Variants in SYNE1 observed in about 807,000 individuals in gnomAD.
The protein encoded by SYNE1 is nesprin-1.
Under a neutral mutation model 1,111.0 loss-of-function variants are expected in SYNE1, and 616 were observed. The observed-to-expected ratio is 0.55, with a 90% confidence interval of 0.52 to 0.59. The LOEUF is 0.59. SYNE1 is among the 20% of genes least tolerant of loss of function. SYNE1 has a pLI of 0.00. For synonymous variants in SYNE1, 3,855 were observed against 3,825.8 expected (o/e 1.01, Z -0.28); for missense variants, 10,006 against 10,417.0 (o/e 0.96, Z 1.72).
At chr6:152,310,322 G>A in intron 89 of SYNE1, 74 bp downstream of exon 89, 1 of 1,581,202 alleles carries the variant, frequency 6.3e-7, no homozygotes, top group Non-Finnish European at 8.7e-7. Flanking sequence ...GAGTTTAGGA[G>A]GCATTTTTCC....
intron 3 of SYNE1, among the ~76,000 whole-genome samples, chr6:152,576,877 C>A (rs541876636): frequency 3.0e-4 from 45 of 152,282 alleles, no homozygotes; most frequent in African/African-American, 1.0e-3. Flanking sequence ...CACAATTTGA[C>A]TTCATGATTG....
rs949470923 is a variant in SYNE1 at position 152,265,079 on chromosome 6, A to G, written c.18816-2891T>C. 4.0e-5 allele frequency among the ~76,000 whole-genome samples: 6 copies of G among 151,434 alleles called. No individual in the cohort carries two copies. In the East Asian group the frequency reaches 1.2e-3, roughly 30 times the overall value. On this transcript the variant is annotated intron_variant, in intron 100 of 145. Coordinates refer to ENST00000367255, the MANE Select transcript of SYNE1 (RefSeq NM_182961.4). ...CAATTAGCCAAGCATAGTGGTGGGC[A>G]CCTGTAATCCCAGCTACTCGAGAGG... is the stretch of plus-strand genomic sequence containing the variant.
At chr6:152,433,540 A>G in intron 34 of SYNE1, 1 of 510,040 alleles carries the variant, frequency 2.0e-6, no homozygotes, top group South Asian at 2.5e-5. Context: ...GTAACCATAA[A>G]AATATTTTAA....
intron 9 of SYNE1, among the ~76,000 whole-genome samples, chr6:152,503,317 C>T (rs2099040238): frequency 6.6e-6 from 1 of 152,184 alleles, no homozygotes; most frequent in South Asian, 2.1e-4. Context: ...GGAGCATTCT[C>T]TCCAAATTAC....
intron 77 of SYNE1, 53 bp from the exon 78 acceptor site, chr6:152,331,943 G>A: frequency 6.3e-7 from 1 of 1,599,960 alleles, no homozygotes; most frequent in Non-Finnish European, 8.5e-7. Context: ...CAATATCGAT[G>A]TTTGTTCATA....
At chr6:152,160,208 A>T (rs2062182609) in intron 131 of SYNE1, among the ~76,000 whole-genome samples, 1 of 151,970 alleles carries the variant, frequency 6.6e-6, no homozygotes, top group African/African-American at 2.4e-5. Context: ...GGGTTTCACC[A>T]TGTTGGCCAG....
intron 129 of SYNE1, among the ~76,000 whole-genome samples, chr6:152,177,303 G>A (rs1466467920): frequency 6.6e-6 from 1 of 152,112 alleles, no homozygotes. Context: ...TGATTTAACT[G>A]ACGATGAAAG....
In SYNE1 at chr6:152,195,652, C is replaced by A. The variant is rs1198359492; in HGVS notation, c.23145+6172G>T. Among the ~76,000 whole-genome samples, 3 of 152,214 alleles carry A rather than the reference C, an allele frequency of 2.0e-5. No individual in the cohort carries two copies. The East Asian group carries it at 5.8e-4, about 29-fold the overall frequency. ...TTCTCTTTCCTTATTTTCTCCCAAA[C>A]AAACAGCGTCTCTTTCTCTGTGCTG... is the stretch of plus-strand genomic sequence containing the variant. On this transcript the variant is annotated intron_variant, in intron 127 of 145. Transcript: ENST00000367255.
chr6:152,504,721 A>G (rs17771489), intron 9 of SYNE1, among the ~76,000 whole-genome samples: 7,247 of 152,264 alleles, frequency 0.048, 238 homozygotes, highest in Non-Finnish European at 0.067. Context: ...AAGTCTTAGC[A>G]CTCACGCCCT....
At chr6:152,356,502 TATATA>T (rs1166255808) in intron 66 of SYNE1, among the ~76,000 whole-genome samples, 5 of 148,006 alleles carry the variant, frequency 3.4e-5, no homozygotes, top group South Asian at 2.1e-4. Flanking sequence ...TAAATGTGTG[TATATA>T]ATATATTAAT....
At chr6:152,351,462 T>A (rs1407225366) in intron 70 of SYNE1, among the ~76,000 whole-genome samples, 1 of 152,242 alleles carries the variant, frequency 6.6e-6, no homozygotes, top group Non-Finnish European at 1.5e-5. Flanking sequence ...TAAGCTTGCA[T>A]AATTGCTTCA....
rs747635010 is a variant in SYNE1 at position 152,409,090 on chromosome 6, C to G, written c.6518G>C (p.Ser2173Thr). The G allele has an allele frequency of 2.5e-6, 4 of 1,614,102 alleles. No individual in the cohort carries two copies. In the South Asian group the frequency reaches 4.4e-5, roughly 18 times the overall value. ...DFSLVKTDME[S>T]TVDKWLDVSE... Reference sequence around the variant, plus strand: ...TACATCCAGCCATTTGTCCACGGTGCTCTCCATGTCTGTTTTCACCAAGCT... The same window carrying G: ...TACATCCAGCCATTTGTCCACGGTGGTCTCCATGTCTGTTTTCACCAAGCT... The change falls in exon 44 of 146, where the codon AGC (serine) becomes ACC (threonine). Residue 2173 changes from serine (S) to threonine (T), a missense_variant. Physicochemically the swap from Ser to Thr is moderately conservative, Grantham distance 58. Transcript: ENST00000367255.
intron 74 of SYNE1, among the ~76,000 whole-genome samples, chr6:152,343,804 G>A (rs2096582349): frequency 6.6e-6 from 1 of 151,972 alleles, no homozygotes. Flanking sequence ...CTGGCCTCAA[G>A]TGATTCGCCC....
chr6:152,217,700 G>A (rs966783055), intron 121 of SYNE1, among the ~76,000 whole-genome samples: 14 of 152,126 alleles, frequency 9.2e-5, no homozygotes, highest in African/African-American at 3.4e-4. Context: ...ATAGAGAGGT[G>A]ATGGACTGGG....
chr6:152,366,104 G>A (rs1052217836), intron 62 of SYNE1, among the ~76,000 whole-genome samples: 1 of 151,444 alleles, frequency 6.6e-6, no homozygotes, highest in African/African-American at 2.4e-5. Flanking sequence ...AGGCCAAGGT[G>A]GGCAGGTCAC....
intron 52 of SYNE1, among the ~76,000 whole-genome samples, chr6:152,390,896 T>C (rs1261441229): frequency 2.6e-5 from 4 of 152,170 alleles, no homozygotes; most frequent in African/African-American, 9.7e-5. Context: ...TCATGGCCCC[T>C]ACACACGGAC....
intron 137 of SYNE1, chr6:152,146,023 TCA>T (rs2152855410): frequency 4.1e-5 from 1 of 24,414 alleles, no homozygotes; most frequent in South Asian, 2.0e-3. Flanking sequence ...AGACTTCGTC[TCA>T]AAAAAAAAAA....
chr6:152,575,445 T>A (rs2099492441), intron 3 of SYNE1, among the ~76,000 whole-genome samples: 1 of 152,204 alleles, frequency 6.6e-6, no homozygotes, highest in African/African-American at 2.4e-5. Context: ...TGGAACACAC[T>A]CCTCATGTCA....
intron 10 of SYNE1, among the ~76,000 whole-genome samples, chr6:152,501,800 T>G (rs1284486235): frequency 6.6e-6 from 1 of 151,450 alleles, no homozygotes; most frequent in South Asian, 2.1e-4. Context: ...CATAAAAGCA[T>G]TGCTTATAAC....
Sources: gnomAD v4.1 joint callset for allele counts (sites outside exome capture counted in the v4.1 genomes callset) on GRCh38, gnomAD v4.1.1 for gene constraint, MANE v1.5 for transcripts, NCBI Gene and HGNC (gene_info 2026-07-23, HGNC 2026-07-21) for gene names.